KHDRBS2: variants seen among roughly 807,000 people sequenced by gnomAD.
KHDRBS2 encodes KH RNA binding domain containing, signal transduction associated 2.
In KHDRBS2, 26 loss-of-function variants were observed where a neutral mutation model predicts 44.3. The ratio of observed to expected loss-of-function variants is 0.59; its 90% CI spans 0.43 to 0.81. KHDRBS2 has a LOEUF of 0.81. Among genes scored for constraint, KHDRBS2 ranks in the 40% least tolerant of loss-of-function variants. The pLI is 0.00. For synonymous variants in KHDRBS2, 194 were observed against 151.1 expected, an observed-to-expected ratio of 1.28 and a Z score of -2.08; for missense variants, 476 against 433.1, an observed-to-expected ratio of 1.10 and a Z score of -0.88.
intron 6 of KHDRBS2, among the ~76,000 whole-genome samples, chr6:61,828,257 G>A (rs969547333): frequency 7.9e-5 from 12 of 152,144 alleles, no homozygotes; most frequent in African/African-American, 2.9e-4. Flanking sequence ...ATCTCATGAG[G>A]CTTCAATGCA....
chr6:62,198,695 A>C lies in KHDRBS2; in HGVS notation c.92-21383T>G, dbSNP rs370642673. Among the ~76,000 whole-genome samples the C allele has an allele frequency of 1.8e-3, 272 of 152,242 alleles. 7 individuals are homozygous for C. The South Asian group carries it at 0.051, about 29-fold the overall frequency. ...GGTAGCATTCCTTCTGAAACTATTC[A>C]AATCAACAGAAAAAGAGGGAATCCT... is the stretch of plus-strand genomic sequence containing the variant. On this transcript the variant is annotated intron_variant, in intron 1 of 8. Coordinates refer to ENST00000281156, the MANE Select transcript of KHDRBS2 (RefSeq NM_152688.4).
the KHDRBS2 span, among the ~76,000 whole-genome samples, chr6:61,583,157 C>G: frequency 2.0e-5 from 3 of 151,774 alleles, no homozygotes; most frequent in Non-Finnish European, 3.0e-5. Flanking sequence ...GAACTGATAT[C>G]TCTGAGAAGT....
At position 62,083,799 on chromosome 6, in the gene KHDRBS2, C is replaced by A. The variant is rs138393686; in HGVS notation, c.220-35805G>T. Among the ~76,000 whole-genome samples the A allele has an allele frequency of 3.5e-3, 533 of 152,256 alleles. 5 individuals are homozygous for A. The highest frequency in any genetic ancestry group is 0.012 in the African/African-American group (500 of 41,552). On this transcript the variant is annotated intron_variant, in intron 2 of 8. Coordinates refer to ENST00000281156, the MANE Select transcript of KHDRBS2 (RefSeq NM_152688.4). ...ATCCTGAAAAATGCAGCTTCAGTAG[C>A]AAACTATTATACATACTTTTGTATT...
At chr6:62,128,544 ATC>A (rs5876776) in intron 2 of KHDRBS2, among the ~76,000 whole-genome samples, 89,070 of 148,448 alleles carry the variant, frequency 0.6, 26,389 homozygotes, top group Non-Finnish European at 0.61. Context: ...TCTTTTAATG[ATC>A]TCTCTCTCTC....
intron 6 of KHDRBS2, among the ~76,000 whole-genome samples, chr6:61,750,622 G>T (rs185381989): frequency 1.1e-3 from 171 of 152,198 alleles, no homozygotes; most frequent in Non-Finnish European, 6.2e-4. Context: ...CCAACCAAGT[G>T]TCTTTAGACA....
At chr6:61,828,178 T>A (rs960845897) in intron 6 of KHDRBS2, among the ~76,000 whole-genome samples, 1 of 152,172 alleles carries the variant, frequency 6.6e-6, no homozygotes, top group African/African-American at 2.4e-5. Flanking sequence ...TTAACAGATA[T>A]TCATGCTGGG....
At chr6:61,975,303 T>C (rs548864994) in intron 4 of KHDRBS2, among the ~76,000 whole-genome samples, 147 of 152,294 alleles carry the variant, frequency 9.7e-4, no homozygotes, top group Admixed American at 4.2e-3. Flanking sequence ...TCTTGCCCTA[T>C]ATAAGCCTTC....
chr6:61,702,933 C>A (rs960663965), intron 7 of KHDRBS2, among the ~76,000 whole-genome samples: 1 of 151,682 alleles, frequency 6.6e-6, no homozygotes, highest in Non-Finnish European at 1.5e-5. Context: ...CATTATATAT[C>A]TTGATTTTAA....
chr6:61,612,725 T>C, the KHDRBS2 span, among the ~76,000 whole-genome samples: 1 of 152,140 alleles, frequency 6.6e-6, no homozygotes, highest in African/African-American at 2.4e-5. Context: ...TTTAGAAACT[T>C]GCCCAAGTCA....
intron 6 of KHDRBS2, among the ~76,000 whole-genome samples, chr6:61,770,603 G>A (rs140602603): frequency 0.018 from 2,736 of 152,242 alleles, 51 homozygotes; most frequent in East Asian, 0.051. Flanking sequence ...AAGACGAAAT[G>A]AATGAAATGA....
At chr6:61,952,346 G>A (rs1764933133) in intron 4 of KHDRBS2, among the ~76,000 whole-genome samples, 1 of 151,956 alleles carries the variant, frequency 6.6e-6, no homozygotes. Context: ...CTGACACATT[G>A]AACACTGGAA....
chr6:61,560,966 T>G, the KHDRBS2 span, among the ~76,000 whole-genome samples: 2 of 152,144 alleles, frequency 1.3e-5, no homozygotes, highest in Admixed American at 1.3e-4. Flanking sequence ...TTAGGAAAGC[T>G]TTTCAGGTAT....
intron 7 of KHDRBS2, among the ~76,000 whole-genome samples, chr6:61,698,066 G>C (rs116223762): frequency 1.5e-4 from 23 of 152,084 alleles, no homozygotes; most frequent in African/African-American, 5.6e-4. Context: ...TCAGGCTGTC[G>C]TTCCACTGCT....
intron 3 of KHDRBS2, among the ~76,000 whole-genome samples, chr6:62,014,740 G>A (rs1020481924): frequency 6.6e-6 from 1 of 151,944 alleles, no homozygotes; most frequent in Non-Finnish European, 1.5e-5. Flanking sequence ...TTTCCTAAAT[G>A]GAACATCCTG....
At chr6:61,993,672 TA>T (rs200240948) in intron 3 of KHDRBS2, among the ~76,000 whole-genome samples, 95 of 122,408 alleles carry the variant, frequency 7.8e-4, no homozygotes, top group African/African-American at 2.3e-3. Context: ...TATATATATA[TA>T]TTTTTTTTTT....
intron 1 of KHDRBS2, among the ~76,000 whole-genome samples, chr6:62,200,503 A>G (rs981448376): frequency 1.3e-5 from 2 of 152,246 alleles, no homozygotes; most frequent in African/African-American, 4.8e-5. Flanking sequence ...ATCACCGGCC[A>G]TCAGAGAAAT....
the KHDRBS2 span, among the ~76,000 whole-genome samples, chr6:61,593,257 A>G: frequency 6.6e-6 from 1 of 152,142 alleles, no homozygotes; most frequent in South Asian, 2.1e-4. Flanking sequence ...CAAGTTGTCT[A>G]GTTTCAGTTT....
intron 3 of KHDRBS2, among the ~76,000 whole-genome samples, chr6:61,982,521 A>G (rs1164523450): frequency 2.0e-5 from 3 of 152,036 alleles, no homozygotes; most frequent in East Asian, 1.9e-4. Context: ...AATACAAAAA[A>G]TTAGCCGGGC....
intron 4 of KHDRBS2, among the ~76,000 whole-genome samples, chr6:61,966,655 C>T (rs1583844151): frequency 6.6e-6 from 1 of 152,010 alleles, no homozygotes. Flanking sequence ...TGTCACTAGT[C>T]ACATGGCATT....
Sources: allele counts gnomAD v4.1 joint callset (sites outside exome capture counted in the v4.1 genomes callset), GRCh38; gene constraint gnomAD v4.1.1; transcripts MANE v1.5; gene names NCBI Gene and HGNC (gene_info 2026-07-23, HGNC 2026-07-21).